Variants in KCNE1 observed in about 807,000 individuals in gnomAD.
KCNE1 encodes the protein potassium voltage-gated channel subfamily E member 1.
A neutral mutation model predicts 2.9 loss-of-function variants in KCNE1; 1 was observed. That is an observed-to-expected ratio of 0.34 (90% CI 0.12 to 1.62). KCNE1 has a LOEUF of 1.62. Ranked by LOEUF, KCNE1 falls within the 40% of genes most tolerant of loss-of-function variation. The pLI is 0.36. For missense variants in KCNE1, 45 were observed against 150.5 expected, an observed-to-expected ratio of 0.30 and a Z score of 3.67; for synonymous variants, 23 against 65.4, an observed-to-expected ratio of 0.35 and a Z score of 3.13.
chr21:34,506,337 A>G (rs189980645), intron 2 of KCNE1, among the ~76,000 whole-genome samples: 1 of 152,336 alleles, frequency 6.6e-6, no homozygotes, highest in East Asian at 1.9e-4. Flanking sequence ...CCCATAGATC[A>G]GGCAGCTCAC....
At chr21:34,508,897 T>C (rs1983668140) in intron 2 of KCNE1, among the ~76,000 whole-genome samples, 1 of 152,372 alleles carries the variant, frequency 6.6e-6, no homozygotes, top group South Asian at 2.1e-4. Context: ...GGTACAAAAT[T>C]AGCTGAGAAA....
chr21:34,503,078 A>C (rs899605424), intron 2 of KCNE1, among the ~76,000 whole-genome samples: 2 of 152,210 alleles, frequency 1.3e-5, no homozygotes, highest in Non-Finnish European at 2.9e-5. Context: ...ATGTCATCAA[A>C]TCCCACAGGG....
intron 2 of KCNE1, among the ~76,000 whole-genome samples, chr21:34,497,759 C>G (rs1982903280): frequency 6.6e-6 from 1 of 152,312 alleles, no homozygotes; most frequent in South Asian, 2.1e-4. Flanking sequence ...CAATTGTTCC[C>G]TCAAATAAGT....
At chr21:34,502,036 A>G (rs1282640964) in intron 2 of KCNE1, among the ~76,000 whole-genome samples, 1 of 152,168 alleles carries the variant, frequency 6.6e-6, no homozygotes, top group Non-Finnish European at 1.5e-5. Context: ...TGTTGATGTC[A>G]TGGGTATTGG....
intron 2 of KCNE1, among the ~76,000 whole-genome samples, chr21:34,507,188 AAATGATGG>A (rs1367553840): frequency 1.3e-5 from 2 of 152,020 alleles, no homozygotes; most frequent in Non-Finnish European, 2.9e-5. Context: ...ATAAAGTGAG[AAATGATGG>A]GGGCTGAATT....
At chr21:34,507,361 CATT>C (rs1245753524) in intron 2 of KCNE1, among the ~76,000 whole-genome samples, 2 of 152,132 alleles carry the variant, frequency 1.3e-5, no homozygotes, top group Non-Finnish European at 2.9e-5. Context: ...GCGTGCTCAT[CATT>C]GAGACCAGGA....
At chr21:34,499,273 G>C (rs990352781) in intron 2 of KCNE1, among the ~76,000 whole-genome samples, 1 of 152,236 alleles carries the variant, frequency 6.6e-6, no homozygotes, top group Non-Finnish European at 1.5e-5. Flanking sequence ...TCTCTGGGCA[G>C]CTTATGCTCT....
intron 2 of KCNE1, among the ~76,000 whole-genome samples, chr21:34,505,793 C>T (rs996555086): frequency 6.6e-6 from 1 of 152,182 alleles, no homozygotes; most frequent in Admixed American, 6.5e-5. Context: ...AGTACAAACA[C>T]CCTTATGCAT....
chr21:34,505,448 T>C (rs1983425200), intron 2 of KCNE1, among the ~76,000 whole-genome samples: 1 of 150,036 alleles, frequency 6.7e-6, no homozygotes, highest in Non-Finnish European at 1.5e-5. Context: ...TTGATCACCT[T>C]TTTTTTTTTG....
intron 2 of KCNE1, among the ~76,000 whole-genome samples, chr21:34,506,817 C>A (rs1007397715): frequency 6.6e-6 from 1 of 152,070 alleles, no homozygotes; most frequent in East Asian, 1.9e-4. Flanking sequence ...TGCAGGAGCC[C>A]GGAGCAGAGA....
intron 2 of KCNE1, among the ~76,000 whole-genome samples, chr21:34,509,005 G>A (rs984971407): frequency 8.5e-5 from 13 of 152,210 alleles, no homozygotes; most frequent in African/African-American, 2.7e-4. Flanking sequence ...ACACTACTTT[G>A]TGGAGGTTTA....
At chr21:34,498,800 AGTTGTTGTAAT>A (rs1396064627) in intron 2 of KCNE1, among the ~76,000 whole-genome samples, 1 of 152,134 alleles carries the variant, frequency 6.6e-6, no homozygotes, top group East Asian at 1.9e-4. Flanking sequence ...TTCCGTCATG[AGTTGTTGTAAT>A]GTCCTGAGCT....
At chr21:34,500,126 A>G (rs1983076376) in intron 2 of KCNE1, among the ~76,000 whole-genome samples, 1 of 152,188 alleles carries the variant, frequency 6.6e-6, no homozygotes, top group East Asian at 1.9e-4. Context: ...TTATTTAATA[A>G]TTGTATCTAT....
chr21:34,508,502 T>C lies in KCNE1; in HGVS notation c.-162+2599A>G, dbSNP rs111949545. Among the ~76,000 whole-genome samples the C allele has an allele frequency of 7.9e-3, 1,198 of 152,122 alleles. 20 individuals are homozygous for C. Among genetic ancestry groups the C allele is most frequent in the African/African-American group, 0.027 (1,130 of 41,502 alleles). On this transcript the variant is annotated intron_variant, in intron 2 of 3. Coordinates refer to ENST00000399286, the MANE Select transcript of KCNE1 (RefSeq NM_000219.6). ...GGATTACAGGCGCACACCATCACAC[T>C]CGGCTAATTTTTGTATTTTTAGTAC...
At chr21:34,497,909 T>G (rs1982912331) in intron 2 of KCNE1, among the ~76,000 whole-genome samples, 1 of 152,078 alleles carries the variant, frequency 6.6e-6, no homozygotes, top group Non-Finnish European at 1.5e-5. Context: ...TTTTATCTGA[T>G]TGGGTTCATT....
intron 2 of KCNE1, among the ~76,000 whole-genome samples, chr21:34,500,511 G>T (rs1983099848): frequency 6.6e-6 from 1 of 152,008 alleles, no homozygotes; most frequent in Non-Finnish European, 1.5e-5. Context: ...TTTATGTTTT[G>T]CATAATGTAA....
At chr21:34,502,811 C>T (rs2089964880) in intron 2 of KCNE1, among the ~76,000 whole-genome samples, 1 of 152,236 alleles carries the variant, frequency 6.6e-6, no homozygotes, top group Non-Finnish European at 1.5e-5. Context: ...GATCAGAGGT[C>T]ACAACACTCT....
intron 2 of KCNE1, among the ~76,000 whole-genome samples, chr21:34,499,855 T>C (rs1983058648): frequency 6.6e-6 from 1 of 152,224 alleles, no homozygotes. Flanking sequence ...TACGTTCCTG[T>C]GGTCGTTCTT....
At chr21:34,498,661 C>T (rs757649285) in intron 2 of KCNE1, among the ~76,000 whole-genome samples, 7 of 152,244 alleles carry the variant, frequency 4.6e-5, no homozygotes, top group African/African-American at 1.4e-4. Flanking sequence ...TTTAGTGTGA[C>T]GGCTTTCTCA....
Sources: gnomAD v4.1 joint callset for allele counts (sites outside exome capture counted in the v4.1 genomes callset) on GRCh38, gnomAD v4.1.1 for gene constraint, MANE v1.5 for transcripts, NCBI Gene and HGNC (gene_info 2026-07-23, HGNC 2026-07-21) for gene names.